LRRC20: variants seen among roughly 807,000 people sequenced by gnomAD.
LRRC20 encodes leucine-rich repeat-containing protein 20.
In LRRC20, 11 loss-of-function variants were observed where a neutral mutation model predicts 14.4. The observed-to-expected ratio is 0.77, with a 90% CI of 0.48 to 1.27. LRRC20 has a LOEUF of 1.27. LRRC20 is among the 50% of genes most tolerant of loss of function. The pLI, the probability that LRRC20 is intolerant of heterozygous loss-of-function variation, is 0.00. For synonymous variants in LRRC20, 121 were observed against 107.3 expected (o/e 1.13, Z -0.79); for missense variants, 219 against 251.2 (o/e 0.87, Z 0.87).
At position 70,301,123 on chromosome 10, in the gene LRRC20, T is replaced by C. The variant is rs761885727; in HGVS notation, c.*231A>G. 6 of 1,348,410 alleles carry C rather than the reference T, an allele frequency of 4.4e-6. No homozygotes were observed. The African/African-American group carries it at 7.4e-5, about 17-fold the overall frequency. The allele number at this position is 1,348,410 out of a possible 1,614,324, so 83.5% of individuals were successfully genotyped here. ...GATCTGCCTGAGTTTGCACAGCAGC[T>C]GTGAGTGCCGAGTCCAGGCTGCAGG... is the stretch of plus-strand genomic sequence containing the variant. On this transcript the variant is annotated 3_prime_UTR_variant, in exon 5 of 5. Coordinates refer to ENST00000446961, the MANE Select transcript of LRRC20 (RefSeq NM_001278212.2).
At position 70,323,971 on chromosome 10, in the gene LRRC20, G is replaced by A. The variant is rs750655933; in HGVS notation, c.292C>T (p.His98Tyr). The A allele has an allele frequency of 1.9e-6, 3 of 1,613,754 alleles. No individual in the cohort carries two copies. In the South Asian group the frequency reaches 3.3e-5, roughly 18 times the overall value. ...RLPSEVSALQ[H>Y]LKAIDLSRNQ... The stretch of plus-strand genomic sequence containing the variant: ...CGGGACAGGTCAATGGCCTTGAGGT[G>A]CTGCAGGGCACTGACCTCGCTGGGG... The change falls in exon 4 of 5, where the codon CAC (histidine) becomes TAC (tyrosine). Residue 98 changes from histidine (H) to tyrosine (Y), a missense_variant. His to Tyr is a moderately conservative substitution (Grantham distance 83). Coordinates refer to ENST00000446961, the MANE Select transcript of LRRC20 (RefSeq NM_001278212.2).
At position 70,300,877 on chromosome 10, in the gene LRRC20, T is replaced by C. The variant is rs1459872652; in HGVS notation, c.*477A>G. The stretch of plus-strand genomic sequence containing the variant: ...AGGTCAGTTCTCAGGAAGCAATAAA[T>C]AGATGGAGGTTGTCTTCTCTTCTCA... On this transcript the variant is annotated 3_prime_UTR_variant, in exon 5 of 5. Transcript: ENST00000446961. 2.0e-6 allele frequency: 2 copies of C among 987,330 alleles called. No homozygotes were observed. Among genetic ancestry groups the C allele is most frequent in the Non-Finnish European group, 2.4e-6 (2 of 831,328 alleles). 61.2% of individuals were successfully genotyped at this position (987,330 alleles called of 1,614,324 possible). A position where few individuals can be genotyped will look rare whatever the true frequency, so the allele number is the denominator to read the frequency against.
intron 3 of LRRC20, among the ~76,000 whole-genome samples, 167 bp from the exon 4 acceptor site, chr10:70,324,197 T>C (rs893065754): frequency 6.6e-6 from 1 of 152,158 alleles, no homozygotes; most frequent in African/African-American, 2.4e-5. Flanking sequence ...TTATTTGTGC[T>C]AGAGGAGGGG....
intron 2 of LRRC20, among the ~76,000 whole-genome samples, chr10:70,359,902 G>C (rs1237652954): frequency 6.6e-6 from 1 of 150,836 alleles, no homozygotes; most frequent in Non-Finnish European, 1.5e-5. Context: ...TTGTTCCACT[G>C]CATTTTTTTT....
intron 4 of LRRC20, among the ~76,000 whole-genome samples, chr10:70,304,507 T>TA (rs1491241599): frequency 5.2e-5 from 7 of 134,844 alleles, no homozygotes; most frequent in African/African-American, 1.1e-4. Context: ...TATATATATA[T>TA]TTTACTAAGC....
chr10:70,301,157 T>C lies in LRRC20; in HGVS notation c.*197A>G. Reference sequence around the variant, plus strand: ...CGAGTCCAGGCTGCAGGCCCCACCTTGCCTCTTCCCTTGGGCATTCCAGAG... The same window carrying C: ...CGAGTCCAGGCTGCAGGCCCCACCTCGCCTCTTCCCTTGGGCATTCCAGAG... On this transcript the variant is annotated 3_prime_UTR_variant, in exon 5 of 5. Transcript: ENST00000446961. 2 of 1,380,328 alleles carry C rather than the reference T, an allele frequency of 1.4e-6. No individual in the cohort carries two copies. Among genetic ancestry groups the C allele is most frequent in the Non-Finnish European group, 1.9e-6 (2 of 1,070,138 alleles). 85.5% of individuals were successfully genotyped at this position (1,380,328 alleles called of 1,614,324 possible).
chr10:70,328,360 G>A (rs1024786145), intron 3 of LRRC20, among the ~76,000 whole-genome samples: 18 of 151,806 alleles, frequency 1.2e-4, no homozygotes, highest in African/African-American at 4.1e-4. Flanking sequence ...GCAGTGGTGT[G>A]ATCTTGGCTC....
At chr10:70,342,673 A>C (rs563545714) in intron 2 of LRRC20, among the ~76,000 whole-genome samples, 1 of 152,348 alleles carries the variant, frequency 6.6e-6, no homozygotes, top group African/African-American at 2.4e-5. Flanking sequence ...GAAGATACTT[A>C]GCAGGAATGC....
intron 3 of LRRC20, among the ~76,000 whole-genome samples, chr10:70,338,903 C>G (rs1842809835): frequency 1.3e-5 from 2 of 152,226 alleles, no homozygotes; most frequent in African/African-American, 2.4e-5. Context: ...TCAGGGGATC[C>G]ACCTGCCTCA....
intron 2 of LRRC20, among the ~76,000 whole-genome samples, chr10:70,373,561 G>C (rs1844391559): frequency 6.6e-6 from 1 of 152,212 alleles, no homozygotes; most frequent in Non-Finnish European, 1.5e-5. Flanking sequence ...GCCTACTATG[G>C]CCAGGTTGGA....
chr10:70,334,180 C>T (rs1842636538), intron 3 of LRRC20, among the ~76,000 whole-genome samples: 1 of 151,806 alleles, frequency 6.6e-6, no homozygotes, highest in Admixed American at 6.6e-5. Context: ...GTGTTTCTGA[C>T]AGAGTAGATC....
intron 4 of LRRC20, among the ~76,000 whole-genome samples, chr10:70,302,380 T>A (rs1045071675): frequency 6.6e-6 from 1 of 152,058 alleles, no homozygotes; most frequent in African/African-American, 2.4e-5. Context: ...ACCGTATGAC[T>A]CCACTTATGT....
At chr10:70,374,439 C>G (rs1350565558) in intron 2 of LRRC20, among the ~76,000 whole-genome samples, 1 of 151,336 alleles carries the variant, frequency 6.6e-6, no homozygotes. Context: ...CAACCTCCAT[C>G]TCCTGGGTTC....
intron 4 of LRRC20, among the ~76,000 whole-genome samples, chr10:70,323,295 C>T (rs1294502674): frequency 6.6e-6 from 1 of 152,110 alleles, no homozygotes; most frequent in African/African-American, 2.4e-5. Context: ...GAGACCGCTT[C>T]CTGACCTCAG....
rs10740337 is a variant in LRRC20 at position 70,301,717 on chromosome 10, T to A, written c.401-209A>T. 0.77 allele frequency among the ~76,000 whole-genome samples: 116,715 copies of A among 152,136 alleles called. 46,683 individuals are homozygous for A. Among genetic ancestry groups the A allele is most frequent in the East Asian group, 0.97 (5,030 of 5,174 alleles). On this transcript the variant is annotated intron_variant, in intron 4 of 4. Coordinates refer to ENST00000446961, the MANE Select transcript of LRRC20 (RefSeq NM_001278212.2). ...ACAACCACATGGAGGAAAGCATCCTTAAAAATAAGAATCAACTGCTTCAAA... is the reference window on the plus strand; with the variant it reads ...ACAACCACATGGAGGAAAGCATCCTAAAAAATAAGAATCAACTGCTTCAAA...
chr10:70,314,276 A>G (rs1841778995), intron 4 of LRRC20, among the ~76,000 whole-genome samples: 1 of 152,166 alleles, frequency 6.6e-6, no homozygotes, highest in Non-Finnish European at 1.5e-5. Flanking sequence ...CCCCCAACCC[A>G]GGAACTGACT....
rs538106283 is a variant in LRRC20 at position 70,304,983 on chromosome 10, G to A, written c.401-3475C>T. On this transcript the variant is annotated intron_variant, in intron 4 of 4. Transcript: ENST00000446961. The stretch of plus-strand genomic sequence containing the variant: ...GTGGATCACCTGAGGTCAGGAGTTC[G>A]AGACCAGCCTGACCAACACAGTGAA... 2.8e-4 allele frequency among the ~76,000 whole-genome samples: 42 copies of A among 152,280 alleles called. No individual in the cohort carries two copies. The South Asian group carries it at 7.9e-3, about 29-fold the overall frequency.
At chr10:70,309,168 C>T (rs1376358213) in intron 4 of LRRC20, among the ~76,000 whole-genome samples, 2 of 152,168 alleles carry the variant, frequency 1.3e-5, no homozygotes, top group Non-Finnish European at 2.9e-5. Flanking sequence ...GTAAGAAAGA[C>T]CCCTCGCACT....
chr10:70,376,320 A>C (rs533374770), intron 2 of LRRC20, 132 bp downstream of exon 2: 1 of 884,410 alleles, frequency 1.1e-6, no homozygotes, highest in East Asian at 2.4e-5. Flanking sequence ...TGTTGCAATG[A>C]AAGTTCCACA....
Sources: allele counts gnomAD v4.1 joint callset (sites outside exome capture counted in the v4.1 genomes callset), GRCh38; gene constraint gnomAD v4.1.1; transcripts MANE v1.5; gene names NCBI Gene and HGNC (gene_info 2026-07-23, HGNC 2026-07-21).